DAB2IP: variants seen among roughly 807,000 people sequenced by gnomAD.
The protein encoded by DAB2IP is DAB2 interacting protein, also known as disabled homolog 2-interacting protein.
In DAB2IP, 28 loss-of-function variants were observed where a neutral mutation model predicts 107.2. That is an observed-to-expected ratio of 0.26 (90% CI 0.19 to 0.36). The LOEUF is 0.36. DAB2IP is among the 10% of genes least tolerant of loss of function. The probability of loss-of-function intolerance (pLI) is 1.00; values close to 1 mark genes in which losing one functional copy is unlikely to be tolerated. For missense variants in DAB2IP, 1,400 were observed against 1,644.7 expected (o/e 0.85, Z 2.57); for synonymous variants, 755 against 706.4 (o/e 1.07, Z -1.09).
exon 16 of DAB2IP, chr9:121,783,682 C>T (rs957406858): frequency 1.3e-5 from 15 of 1,189,104 alleles, no homozygotes; most frequent in African/African-American, 1.1e-4. Context: ...GCACCTGCCC[C>T]GTGTGTGTGG....
chr9:121,624,879 C>T (rs1291109863), intron 1 of DAB2IP, among the ~76,000 whole-genome samples: 1 of 152,224 alleles, frequency 6.6e-6, no homozygotes, highest in African/African-American at 2.4e-5. Context: ...AACACAGTGC[C>T]AGGAACGTAA....
intron 3 of DAB2IP, among the ~76,000 whole-genome samples, chr9:121,727,258 C>T (rs1029170798): frequency 2.6e-5 from 4 of 152,366 alleles, no homozygotes; most frequent in African/African-American, 4.8e-5. Context: ...CTGCACTGCC[C>T]GCGGTGAAGC....
At chr9:121,766,323 T>C (rs1194914373) in intron 8 of DAB2IP, among the ~76,000 whole-genome samples, 171 bp from the exon 9 acceptor site, 1 of 152,192 alleles carries the variant, frequency 6.6e-6, no homozygotes, top group African/African-American at 2.4e-5. Context: ...CCAGCCACCC[T>C]GTATTGACTG....
exon 16 of DAB2IP, chr9:121,783,399 G>A (rs1361677762): frequency 1.3e-6 from 2 of 1,578,598 alleles, no homozygotes; most frequent in Admixed American, 1.8e-5. Flanking sequence ...AGGGCACAGT[G>A]GTCCTGTAGG....
At chr9:121,586,987 G>A (rs1830325324) in intron 1 of DAB2IP, among the ~76,000 whole-genome samples, 1 of 152,174 alleles carries the variant, frequency 6.6e-6, no homozygotes, top group Non-Finnish European at 1.5e-5. Context: ...TGTGCCCACT[G>A]GGTGCCAGGC....
intron 3 of DAB2IP, among the ~76,000 whole-genome samples, chr9:121,708,055 G>C (rs1830149104): frequency 6.6e-6 from 1 of 152,204 alleles, no homozygotes; most frequent in African/African-American, 2.4e-5. Flanking sequence ...CTCCACCCCA[G>C]ACCTTCTGAA....
At chr9:121,737,397 T>G (rs1057172492) in intron 3 of DAB2IP, 2 of 985,342 alleles carry the variant, frequency 2.0e-6, no homozygotes, top group Admixed American at 6.1e-5. Context: ...TTTTTGAAAT[T>G]TCAGCTTGGA....
chr9:121,669,495 T>C (rs1394408864), intron 1 of DAB2IP, among the ~76,000 whole-genome samples: 1 of 152,028 alleles, frequency 6.6e-6, no homozygotes, highest in Non-Finnish European at 1.5e-5. Context: ...GAACCTAGTA[T>C]AGGATTTGGG....
intron 1 of DAB2IP, among the ~76,000 whole-genome samples, chr9:121,584,124 G>A (rs1475931500): frequency 6.6e-6 from 1 of 152,164 alleles, no homozygotes; most frequent in Non-Finnish European, 1.5e-5. Context: ...GTTGCAGTGA[G>A]TTGAGATCGT....
intron 1 of DAB2IP, among the ~76,000 whole-genome samples, chr9:121,627,492 A>G (rs1473210412): frequency 1.3e-5 from 2 of 152,032 alleles, no homozygotes; most frequent in African/African-American, 4.8e-5. Flanking sequence ...AGGAGAATCT[A>G]TGAATTTAAA....
In DAB2IP at chr9:121,760,257, A is replaced by C; in HGVS notation, c.988A>C (p.Ile330Leu). ...CAAGGGCCCTGGACCCATGATCCGC[A>C]TCAAGGCGCGCTACCAAACCATCAC... Residue 330 changes from isoleucine to leucine, a missense_variant, in exon 6 of 16, where the codon ATC becomes CTC. Around this residue, in one of 3 missense-constraint regions of DAB2IP, gnomAD observed 517 missense variants for 748.6 expected, o/e 0.69. Transcript: ENST00000408936. The surrounding 1 kb of genome is among the most constrained non-coding windows in gnomAD (Gnocchi z 5.9). 4 of 1,613,882 alleles carry C rather than the reference A, an allele frequency of 2.5e-6. No individual in the cohort carries two copies. The highest frequency in any genetic ancestry group is 3.4e-6 in the Non-Finnish European group (4 of 1,180,014).
At position 121,651,689 on chromosome 9, in the gene DAB2IP, C is replaced by A. The variant is rs986892062; in HGVS notation, c.-87C>A. ...CCGCTCGGGCGAGCGCGGGAGAACG[C>A]GTGGGCGCCCGCCGGGCTGTCCGGA... On this transcript the variant is annotated 5_prime_UTR_variant, in exon 1 of 16. Transcript: ENST00000408936. The surrounding 1 kb of genome is among the most constrained non-coding windows in gnomAD (Gnocchi z 5.1). 8.9e-7 allele frequency: 1 copy of A among 1,126,002 alleles called. No individual in the cohort carries two copies. Among genetic ancestry groups the A allele is most frequent in the Non-Finnish European group, 1.1e-6 (1 of 921,386 alleles). 69.8% of individuals were successfully genotyped at this position (1,126,002 alleles called of 1,614,324 possible). A position where few individuals can be genotyped will look rare whatever the true frequency, so the allele number is the denominator to read the frequency against.
At chr9:121,733,941 G>A (rs1053805277) in intron 3 of DAB2IP, among the ~76,000 whole-genome samples, 4 of 152,256 alleles carry the variant, frequency 2.6e-5, no homozygotes, top group African/African-American at 7.2e-5. Context: ...ACTGATGGGC[G>A]AGGCCCAAGG....
chr9:121,608,594 A>T (rs896713267), intron 1 of DAB2IP, among the ~76,000 whole-genome samples: 1 of 152,150 alleles, frequency 6.6e-6, no homozygotes, highest in African/African-American at 2.4e-5. Context: ...CAGGACCCCA[A>T]ATCGAGGACC....
intron 1 of DAB2IP, among the ~76,000 whole-genome samples, chr9:121,604,486 GC>G (rs1437479454): frequency 6.6e-6 from 1 of 152,144 alleles, no homozygotes; most frequent in African/African-American, 2.4e-5. Context: ...GGCAAACACG[GC>G]CCCATGTCTG....
chr9:121,723,479 A>G (rs1394165157), intron 3 of DAB2IP, among the ~76,000 whole-genome samples: 1 of 152,202 alleles, frequency 6.6e-6, no homozygotes, highest in Non-Finnish European at 1.5e-5. Flanking sequence ...GCTGCTCAGA[A>G]CAAGGGACAG....
Position 121,607,898 on chromosome 9 carries a change from C to T in DAB2IP, c.40+40670C>T, listed in dbSNP as rs145751317. 4.6e-5 allele frequency among the ~76,000 whole-genome samples: 7 copies of T among 152,350 alleles called. No individual in the cohort carries two copies. In the East Asian group the frequency reaches 1.4e-3, roughly 29 times the overall value. On this transcript the variant is annotated intron_variant, in intron 1 of 16. Coordinates refer to the DAB2IP transcript ENST00000259371. ...GACAACTGAGTCTACCAGGCAACGG[C>T]TGTTTGCCGGGAGCAGCAGGACCCA...
chr9:121,740,472 C>G (rs1294189980), intron 3 of DAB2IP, among the ~76,000 whole-genome samples: 2 of 152,188 alleles, frequency 1.3e-5, no homozygotes, highest in Non-Finnish European at 2.9e-5. Flanking sequence ...GTGTCTTTCC[C>G]AGAGCAGAGC....
intron 1 of DAB2IP, among the ~76,000 whole-genome samples, chr9:121,653,522 C>T (rs1033373677): frequency 3.3e-5 from 5 of 152,144 alleles, no homozygotes; most frequent in African/African-American, 4.8e-5. Context: ...ATGGACCTGC[C>T]GTATGTGGAG....
Sources: gnomAD v4.1 joint callset for allele counts (sites outside exome capture counted in the v4.1 genomes callset) on GRCh38, gnomAD v4.1.1 for gene constraint, gnomAD v4.1.1 regional missense constraint, Gnocchi (gnomAD v3.1) non-coding constraint, MANE v1.5 for transcripts, NCBI Gene and HGNC (gene_info 2026-07-23, HGNC 2026-07-21) for gene names.